The following SGCZ variants were observed in gnomAD, a reference collection of about 807,000 sequenced individuals.
SGCZ encodes the protein sarcoglycan zeta.
SGCZ carries 40 observed loss-of-function variants against 41.3 expected under a neutral mutation model. The ratio of observed to expected loss-of-function variants is 0.97; its 90% CI spans 0.75 to 1.26. SGCZ has a LOEUF of 1.26. Ranked by LOEUF, SGCZ falls within the 50% of genes most tolerant of loss-of-function variation. The pLI is 0.00. For synonymous variants in SGCZ, 206 were observed against 137.5 expected (o/e 1.50, Z -3.49); for missense variants, 552 against 369.8 (o/e 1.49, Z -4.04).
intron 2 of SGCZ, among the ~76,000 whole-genome samples, chr8:14,552,251 A>C (rs1803894255): frequency 6.6e-6 from 1 of 152,062 alleles, no homozygotes; most frequent in African/African-American, 2.4e-5. Flanking sequence ...TATACAACAT[A>C]ATCTCTAGTA....
chr8:14,148,857 C>G (rs1248325799), intron 5 of SGCZ, among the ~76,000 whole-genome samples: 1 of 151,980 alleles, frequency 6.6e-6, no homozygotes, highest in African/African-American at 2.4e-5. Context: ...GTGGGTTTAC[C>G]TCTGGGATGC....
intron 5 of SGCZ, among the ~76,000 whole-genome samples, chr8:14,115,337 T>C (rs975417802): frequency 6.6e-6 from 1 of 152,018 alleles, no homozygotes; most frequent in Non-Finnish European, 1.5e-5. Context: ...TGATTCAATT[T>C]ACAGCTTCAT....
At chr8:14,355,570 G>C (rs1284941194) in intron 2 of SGCZ, among the ~76,000 whole-genome samples, 2 of 151,818 alleles carry the variant, frequency 1.3e-5, no homozygotes, top group East Asian at 1.9e-4. Context: ...TAACGTATAT[G>C]CTCATTCTGC....
chr8:14,132,534 A>G (rs981937538), intron 5 of SGCZ, among the ~76,000 whole-genome samples: 2 of 152,140 alleles, frequency 1.3e-5, no homozygotes, highest in African/African-American at 2.4e-5. Flanking sequence ...TATACTTTCT[A>G]TTTAACAATA....
At chr8:14,710,548 T>A (rs1809483725) in intron 1 of SGCZ, among the ~76,000 whole-genome samples, 1 of 152,094 alleles carries the variant, frequency 6.6e-6, no homozygotes, top group Non-Finnish European at 1.5e-5. Flanking sequence ...AGTTTTTCAC[T>A]GTCTACGTGA....
At chr8:14,185,270 G>A (rs1804865676) in intron 4 of SGCZ, among the ~76,000 whole-genome samples, 1 of 152,038 alleles carries the variant, frequency 6.6e-6, no homozygotes, top group Admixed American at 6.6e-5. Flanking sequence ...TGCACATGGT[G>A]GCACATGCCT....
In SGCZ at chr8:14,102,085, TA is replaced by T. The variant is rs1563127046; in HGVS notation, c.744+290del. Among the ~76,000 whole-genome samples the T allele has an allele frequency of 9.6e-4, 119 of 124,430 alleles. 1 individual carries two copies. Among genetic ancestry groups the T allele is most frequent in the Middle Eastern group, 4.1e-3 (1 of 246 alleles). 81.6% of individuals were successfully genotyped at this position (124,430 alleles called of 152,430 possible). Reference sequence around the variant, plus strand: ...CTATGCTTGGCTAACTTTATATATATATATATATATATATATATAATTTTTT... The same window carrying T: ...CTATGCTTGGCTAACTTTATATATATTATATATATATATATATAATTTTTT... On this transcript the variant is annotated intron_variant, in intron 7 of 7. Coordinates refer to ENST00000382080, the MANE Select transcript of SGCZ (RefSeq NM_139167.4).
intron 1 of SGCZ, among the ~76,000 whole-genome samples, chr8:14,883,776 GTTTTTT>G (rs1233614779): frequency 1.2e-5 from 1 of 86,034 alleles, no homozygotes; most frequent in Admixed American, 1.2e-4. Context: ...GCATCCTGTT[GTTTTTT>G]TTTTTTTTTT....
At chr8:14,924,605 G>A (rs1182102155) in intron 1 of SGCZ, among the ~76,000 whole-genome samples, 1 of 151,588 alleles carries the variant, frequency 6.6e-6, no homozygotes, top group African/African-American at 2.4e-5. Context: ...TTTTTAACAT[G>A]GAAAAACTAG....
At chr8:14,946,313 T>C (rs1169187541) in intron 1 of SGCZ, among the ~76,000 whole-genome samples, 2 of 151,422 alleles carry the variant, frequency 1.3e-5, no homozygotes, top group African/African-American at 4.9e-5. Context: ...CGTTCTCTCA[T>C]AGGCTGCTAG....
At chr8:14,869,457 T>A (rs1042803968) in intron 1 of SGCZ, among the ~76,000 whole-genome samples, 1 of 152,084 alleles carries the variant, frequency 6.6e-6, no homozygotes, top group Non-Finnish European at 1.5e-5. Context: ...TAAGAGCTAT[T>A]TATGACAAAC....
chr8:14,304,370 G>C (rs10093403), intron 3 of SGCZ, among the ~76,000 whole-genome samples: 7,356 of 152,136 alleles, frequency 0.048, 190 homozygotes, highest in Middle Eastern at 0.095. Context: ...GAGGCAGAAG[G>C]ATTGCTTGAG....
At chr8:14,173,369 T>C (rs1376869412) in intron 4 of SGCZ, among the ~76,000 whole-genome samples, 1 of 151,940 alleles carries the variant, frequency 6.6e-6, no homozygotes, top group Non-Finnish European at 1.5e-5. Flanking sequence ...ACATAATGAA[T>C]GAACAGAAGA....
At chr8:15,067,869 C>G (rs1805209175) in intron 1 of SGCZ, among the ~76,000 whole-genome samples, 1 of 152,140 alleles carries the variant, frequency 6.6e-6, no homozygotes, top group Non-Finnish European at 1.5e-5. Context: ...ATGCCCATTC[C>G]TCCTGTGCCA....
intron 1 of SGCZ, among the ~76,000 whole-genome samples, chr8:14,969,251 G>C (rs370537893): frequency 6.6e-6 from 1 of 151,986 alleles, no homozygotes; most frequent in South Asian, 2.1e-4. Context: ...GGGTGTCCAC[G>C]AGATATTAAA....
chr8:14,397,979 G>A (rs1390083689), intron 2 of SGCZ, among the ~76,000 whole-genome samples: 2 of 152,078 alleles, frequency 1.3e-5, no homozygotes, highest in African/African-American at 2.4e-5. Flanking sequence ...TTGAACGATG[G>A]AATTTTCTTC....
At chr8:14,962,617 T>C (rs149809744) in intron 1 of SGCZ, among the ~76,000 whole-genome samples, 4 of 152,324 alleles carry the variant, frequency 2.6e-5, no homozygotes, top group African/African-American at 7.2e-5. Flanking sequence ...AATTCATTTT[T>C]ATGTATCTGA....
chr8:15,090,431 G>A (rs1017862079), intron 1 of SGCZ, among the ~76,000 whole-genome samples: 2 of 152,166 alleles, frequency 1.3e-5, no homozygotes, highest in East Asian at 3.9e-4. Flanking sequence ...GGGTGTGGAA[G>A]CTCAGAGAAT....
At chr8:14,270,691 T>C (rs1219831062) in intron 3 of SGCZ, among the ~76,000 whole-genome samples, 2 of 152,174 alleles carry the variant, frequency 1.3e-5, no homozygotes, top group African/African-American at 4.8e-5. Context: ...AGAAATGATG[T>C]ATAGGAATAG....
Sources: gnomAD v4.1 joint callset for allele counts (sites outside exome capture counted in the v4.1 genomes callset) on GRCh38, gnomAD v4.1.1 for gene constraint, MANE v1.5 for transcripts, NCBI Gene and HGNC (gene_info 2026-07-23, HGNC 2026-07-21) for gene names.